Variants in TRAP1 observed in about 807,000 individuals in gnomAD.
TRAP1 encodes TNF receptor associated protein 1, also known as heat shock protein 75 kDa, mitochondrial.
A neutral mutation model predicts 89.1 loss-of-function variants in TRAP1; 102 were observed. The observed-to-expected ratio is 1.15, with a 90% CI of 0.98 to 1.35. TRAP1 has a LOEUF of 1.35. TRAP1 is among the 40% of genes most tolerant of loss of function. The probability of loss-of-function intolerance (pLI) is 0.00; values close to 1 mark genes in which losing one functional copy is unlikely to be tolerated. For missense variants in TRAP1, 1,256 were observed against 945.3 expected (o/e 1.33, Z -4.31); for synonymous variants, 508 against 388.0 (o/e 1.31, Z -3.64).
At chr16:3,675,912 G>A (rs1370171553) in intron 7 of TRAP1, 124 bp downstream of exon 7, 1 of 820,228 alleles carries the variant, frequency 1.2e-6, no homozygotes, top group Non-Finnish European at 1.9e-6. Flanking sequence ...CAGCGGCTCG[G>A]CCCTTCACGG....
rs765306091 is a variant in TRAP1 at position 3,662,056 on chromosome 16, A to G, written c.1871T>C (p.Met624Thr). 6 of 1,613,356 alleles carry G rather than the reference A, an allele frequency of 3.7e-6. No individual in the cohort carries two copies. The East Asian group carries it at 1.3e-4, about 36-fold the overall frequency. The change falls in exon 16 of 18, where the codon ATG (methionine) becomes ACG (threonine). Residue 624 changes from methionine (M) to threonine (T), a missense_variant. By Grantham distance (81) the Met-to-Thr change is moderately conservative (BLOSUM62 -1). Coordinates refer to ENST00000246957, the MANE Select transcript of TRAP1 (RefSeq NM_016292.3). ...EMGAARHFLR[M>T]QQLAKTQEER... Reference sequence around the variant, plus strand: ...CTCCTGGGTCTTGGCCAGCTGCTGCATGCGCAGGAAGTGGCGGGCAGCCCC... The same window carrying G: ...CTCCTGGGTCTTGGCCAGCTGCTGCGTGCGCAGGAAGTGGCGGGCAGCCCC...
At chr16:3,675,514 A>G (rs2050978053) in intron 7 of TRAP1, 117 bp from the exon 8 acceptor site, 6 of 926,926 alleles carry the variant, frequency 6.5e-6, no homozygotes, top group East Asian at 2.5e-5. Context: ...TGCTGTGTAC[A>G]CTTCACAGGT....
intron 5 of TRAP1, chr16:3,677,980 C>T (rs2051022021): frequency 3.6e-6 from 1 of 279,192 alleles, no homozygotes; most frequent in South Asian, 5.0e-5. Context: ...TAAGCTCTTT[C>T]CCTTGAATAA....
chr16:3,690,698 G>T, intron 2 of TRAP1, 129 bp downstream of exon 2: 2 of 1,040,770 alleles, frequency 1.9e-6, no homozygotes, highest in Non-Finnish European at 2.6e-6. Context: ...ACTCCCTACA[G>T]CCAAGACCTT....
chr16:3,714,897 G>A (rs1567250196), intron 1 of TRAP1, among the ~76,000 whole-genome samples: 1 of 152,144 alleles, frequency 6.6e-6, no homozygotes, highest in Non-Finnish European at 1.5e-5. Context: ...CTACATAGGT[G>A]GATCTGCCTA....
chr16:3,691,292 C>G (rs1315300430), intron 1 of TRAP1, among the ~76,000 whole-genome samples: 1 of 152,212 alleles, frequency 6.6e-6, no homozygotes, highest in Non-Finnish European at 1.5e-5. Context: ...TCACAGCTCA[C>G]TGCAGCCCCA....
intron 9 of TRAP1, among the ~76,000 whole-genome samples, chr16:3,673,546 G>C (rs1036005693): frequency 6.6e-6 from 1 of 151,982 alleles, no homozygotes; most frequent in Admixed American, 6.6e-5. Context: ...GGGGCGACCT[G>C]GTTAAAATGG....
In TRAP1 at chr16:3,710,879, A is replaced by ATATATATTTTTTTT. The variant is rs71133652; in HGVS notation, c.88+6541_88+6542insAAAAAAAATATATA. 1.1e-4 allele frequency among the ~76,000 whole-genome samples: 14 copies of ATATATATTTTTTTT among 125,802 alleles called. No individual in the cohort carries two copies. In the South Asian group the frequency reaches 2.0e-3, roughly 18 times the overall value. The allele number at this position is 125,802 out of a possible 152,430, so 82.5% of individuals were successfully genotyped here. On this transcript the variant is annotated intron_variant, in intron 1 of 17. Transcript: ENST00000246957. ...TGTGTATATATATATATATATATAT[A>ATATATATTTTTTTT]TTTTTTTTTTTGAGACACTGTCACT...
chr16:3,662,387 T>G (rs1343053772), intron 15 of TRAP1: 1 of 579,966 alleles, frequency 1.7e-6, no homozygotes, highest in Admixed American at 3.0e-5. Flanking sequence ...GCTGCCCGAA[T>G]CCATCGTCCT....
chr16:3,672,531 G>C (rs1364043144), intron 10 of TRAP1, among the ~76,000 whole-genome samples, 169 bp downstream of exon 10: 1 of 152,156 alleles, frequency 6.6e-6, no homozygotes. Context: ...GTAGGGAGGT[G>C]GGGCAGCTCC....
chr16:3,675,932 T>C lies in TRAP1; in HGVS notation c.814+104A>G, dbSNP rs1208492202. 1.6e-5 allele frequency: 16 copies of C among 1,023,786 alleles called. No individual in the cohort carries two copies. In the Admixed American group the frequency reaches 1.8e-4, roughly 12 times the overall value. 63.4% of individuals were successfully genotyped at this position (1,023,786 alleles called of 1,614,324 possible). A position where few individuals can be genotyped will look rare whatever the true frequency, so the allele number is the denominator to read the frequency against. ...GCTCGGCCCTTCACGGCTCTGCCTG[T>C]GCACCCTACGTGCAGGTAGAACCAG... On this transcript the variant is annotated intron_variant, in intron 7 of 17. Transcript: ENST00000246957.
At chr16:3,681,763 A>G (rs1596722535) in intron 4 of TRAP1, among the ~76,000 whole-genome samples, 1 of 152,210 alleles carries the variant, frequency 6.6e-6, no homozygotes, top group Admixed American at 6.5e-5. Context: ...TGCAACTAAT[A>G]GCTCCTATTT....
rs2051484569 is a variant in TRAP1, at chr16:3,708,700, C to T, written c.88+8721G>A. On this transcript the variant is annotated intron_variant, in intron 1 of 17. Coordinates refer to ENST00000246957, the MANE Select transcript of TRAP1 (RefSeq NM_016292.3). Reference sequence around the variant, plus strand: ...GCATGGTGGCGCGTGCCTGTAATCCCGGCTACTTGTGAGGCTGAGGCGAGA... The same window carrying T: ...GCATGGTGGCGCGTGCCTGTAATCCTGGCTACTTGTGAGGCTGAGGCGAGA... 6.6e-5 allele frequency among the ~76,000 whole-genome samples: 10 copies of T among 152,034 alleles called. No individual in the cohort carries two copies. The South Asian group carries it at 1.7e-3, about 25-fold the overall frequency.
At position 3,699,530 on chromosome 16, in the gene TRAP1, G is replaced by A. The variant is rs565743449; in HGVS notation, c.89-8545C>T. 1.4e-4 allele frequency among the ~76,000 whole-genome samples: 21 copies of A among 150,816 alleles called. No individual in the cohort carries two copies. In the East Asian group the frequency reaches 4.1e-3, roughly 29 times the overall value. On this transcript the variant is annotated intron_variant, in intron 1 of 17. Coordinates refer to ENST00000246957, the MANE Select transcript of TRAP1 (RefSeq NM_016292.3). ...AATCCCCGCTACTCGGGAGGCTGAG[G>A]CAGGAGAATCACTTGAACCCACGAG...
intron 10 of TRAP1, 107 bp downstream of exon 10, chr16:3,672,593 C>G: frequency 2.8e-6 from 4 of 1,444,792 alleles, no homozygotes; most frequent in Non-Finnish European, 3.6e-6. Context: ...GACGGCGGTG[C>G]TCTCGCTGCA....
chr16:3,666,117 T>C lies in TRAP1; in HGVS notation c.1237A>G (p.Lys413Glu). Residue 413 changes from lysine (K) to glutamate (E), a missense_variant and splice_region_variant, in exon 12 of 18, where the codon AAA (lysine) becomes GAA (glutamate). Physicochemically the swap from Lys to Glu is moderately conservative, Grantham distance 56. Coordinates refer to ENST00000246957, the MANE Select transcript of TRAP1 (RefSeq NM_016292.3). ...CTCTGCTGTAAAACGTCCCGGAGTT[T>C]CCTACAGAAAAGAAATGCATTTAAT... ...ELLQESALIR[K>E]LRDVLQQRLI... The C allele has an allele frequency of 6.2e-7, 1 of 1,609,784 alleles. No individual in the cohort carries two copies. The highest frequency in any genetic ancestry group is 8.5e-7 in the Non-Finnish European group (1 of 1,178,766).
intron 4 of TRAP1, among the ~76,000 whole-genome samples, chr16:3,681,335 G>A (rs927843482): frequency 6.6e-6 from 1 of 152,218 alleles, no homozygotes; most frequent in African/African-American, 2.4e-5. Flanking sequence ...CAAAGCAAGG[G>A]TGGTCAGTGC....
Position 3,699,538 on chromosome 16 carries a change from ATCACT to A in TRAP1, c.89-8558_89-8554del, listed in dbSNP as rs2051336514. The stretch of plus-strand genomic sequence containing the variant: ...CTACTCGGGAGGCTGAGGCAGGAGA[ATCACT>A]TGAACCCACGAGGCAGAGGTTGCGG... On this transcript the variant is annotated intron_variant, in intron 1 of 17. Coordinates refer to ENST00000246957, the MANE Select transcript of TRAP1 (RefSeq NM_016292.3). Among the ~76,000 whole-genome samples, 3 of 151,162 alleles carry A rather than the reference ATCACT, an allele frequency of 2.0e-5. No homozygotes were observed. In the South Asian group the frequency reaches 6.3e-4, roughly 32 times the overall value.
At chr16:3,669,129 C>A (rs1374814338) in intron 11 of TRAP1, among the ~76,000 whole-genome samples, 3 of 152,218 alleles carry the variant, frequency 2.0e-5, no homozygotes, top group African/African-American at 7.2e-5. Flanking sequence ...GGGGACAACT[C>A]CAGCACCAGC....
Sources: allele counts gnomAD v4.1 joint callset (sites outside exome capture counted in the v4.1 genomes callset), GRCh38; gene constraint gnomAD v4.1.1; transcripts MANE v1.5; gene names NCBI Gene and HGNC (gene_info 2026-07-23, HGNC 2026-07-21).